CALD1: variants seen among roughly 807,000 people sequenced by gnomAD.
CALD1 encodes the protein caldesmon 1, also known as caldesmon.
CALD1 carries 33 observed loss-of-function variants against 99.9 expected under a neutral mutation model. That is an observed-to-expected ratio of 0.33 (90% CI 0.25 to 0.44). The LOEUF is 0.44. CALD1 is among the 20% of genes least tolerant of loss of function. CALD1 has a pLI of 1.00. For synonymous variants in CALD1, 310 were observed against 325.0 expected (o/e 0.95, Z 0.50); for missense variants, 861 against 962.1 (o/e 0.89, Z 1.39).
At chr7:134,964,732 T>C (rs1808542383) in intron 13 of CALD1, among the ~76,000 whole-genome samples, 1 of 152,160 alleles carries the variant, frequency 6.6e-6, no homozygotes. Flanking sequence ...AAATTAATCA[T>C]TTTTAAATAA....
chr7:134,879,955 C>T (rs1394399301), intron 3 of CALD1, among the ~76,000 whole-genome samples: 3 of 152,152 alleles, frequency 2.0e-5, no homozygotes, highest in Non-Finnish European at 4.4e-5. Flanking sequence ...CAGCTACAAG[C>T]CTGTACATTC....
chr7:134,816,021 C>A (rs1188218315), intron 1 of CALD1, among the ~76,000 whole-genome samples: 1 of 152,138 alleles, frequency 6.6e-6, no homozygotes, highest in African/African-American at 2.4e-5. Context: ...TAACTAGATC[C>A]AGAACATTTG....
At chr7:134,747,506 C>G (rs1012190084) in intron 1 of CALD1, among the ~76,000 whole-genome samples, 1 of 152,198 alleles carries the variant, frequency 6.6e-6, no homozygotes, top group African/African-American at 2.4e-5. Flanking sequence ...ACCTATTGTT[C>G]GAGACAATGG....
At chr7:134,728,436 A>G in the CALD1 span, among the ~76,000 whole-genome samples, 1 of 152,202 alleles carries the variant, frequency 6.6e-6, no homozygotes, top group East Asian at 1.9e-4. Flanking sequence ...ATCTGAACAT[A>G]GTTTGGACAG....
At chr7:134,966,407 T>A (rs1170816022) in intron 14 of CALD1, among the ~76,000 whole-genome samples, 2 of 152,216 alleles carry the variant, frequency 1.3e-5, no homozygotes, top group Non-Finnish European at 2.9e-5. Context: ...ATATGAAAAG[T>A]ACCTGCTGGT....
intron 1 of CALD1, among the ~76,000 whole-genome samples, chr7:134,842,441 T>C (rs1255908398): frequency 2.0e-5 from 3 of 152,278 alleles, no homozygotes; most frequent in Non-Finnish European, 4.4e-5. Context: ...ATTTCCATAA[T>C]GAAAGCAAAT....
At chr7:134,905,621 C>A (rs1401634700) in intron 3 of CALD1, among the ~76,000 whole-genome samples, 4 of 152,086 alleles carry the variant, frequency 2.6e-5, no homozygotes, top group Non-Finnish European at 4.4e-5. Context: ...GTTATTACAT[C>A]AGATCCTGCT....
At chr7:134,845,186 C>T (rs780411506) in intron 2 of CALD1, among the ~76,000 whole-genome samples, 9 of 152,120 alleles carry the variant, frequency 5.9e-5, no homozygotes, top group Non-Finnish European at 1.3e-4. Flanking sequence ...TTCCCTATGA[C>T]ATTCTATAAA....
chr7:134,858,606 T>G (rs10282371), intron 2 of CALD1, among the ~76,000 whole-genome samples: 26,192 of 151,678 alleles, frequency 0.17, 3,278 homozygotes, highest in African/African-American at 0.35. Context: ...AGTCTTGTTA[T>G]GTCACCAGGC....
intron 1 of CALD1, among the ~76,000 whole-genome samples, chr7:134,798,077 T>C (rs1797814327): frequency 6.6e-6 from 1 of 152,208 alleles, no homozygotes; most frequent in Admixed American, 6.5e-5. Flanking sequence ...TTAATGAAAG[T>C]CCAACCTTTA....
At chr7:134,733,673 G>A in the CALD1 span, among the ~76,000 whole-genome samples, 1 of 151,940 alleles carries the variant, frequency 6.6e-6, no homozygotes, top group Non-Finnish European at 1.5e-5. Context: ...GCCGGGCGTG[G>A]TGGTGGGCAC....
At chr7:134,898,029 A>G (rs1802709826) in intron 3 of CALD1, among the ~76,000 whole-genome samples, 1 of 152,036 alleles carries the variant, frequency 6.6e-6, no homozygotes, top group Non-Finnish European at 1.5e-5. Context: ...GGTTCAAGCA[A>G]TTATTCTGCC....
chr7:134,932,276 G>T (rs1015217501), intron 4 of CALD1, among the ~76,000 whole-genome samples: 2 of 152,136 alleles, frequency 1.3e-5, no homozygotes, highest in African/African-American at 4.8e-5. Flanking sequence ...CTTCCATTGG[G>T]GTCACTGGCG....
At chr7:134,762,683 G>C (rs1395246923) in intron 1 of CALD1, among the ~76,000 whole-genome samples, 1 of 152,040 alleles carries the variant, frequency 6.6e-6, no homozygotes, top group Non-Finnish European at 1.5e-5. Context: ...AGACAGCAGG[G>C]AGATGCCACA....
the CALD1 span, among the ~76,000 whole-genome samples, chr7:134,715,967 T>TATG: frequency 6.6e-6 from 1 of 152,196 alleles, no homozygotes; most frequent in Non-Finnish European, 1.5e-5. Context: ...TTATTATTAT[T>TATG]ATTATTATAC....
intron 1 of CALD1, among the ~76,000 whole-genome samples, chr7:134,760,197 T>C (rs1465509333): frequency 1.3e-5 from 2 of 152,154 alleles, no homozygotes; most frequent in Non-Finnish European, 2.9e-5. Flanking sequence ...CAGAGGGACT[T>C]ATAGGATTGT....
intron 5 of CALD1, among the ~76,000 whole-genome samples, chr7:134,935,001 T>C (rs1422614285): frequency 3.3e-5 from 5 of 152,200 alleles, no homozygotes; most frequent in Admixed American, 3.3e-4. Context: ...AAAACCCTGA[T>C]TTGCCAACAT....
At chr7:134,754,877 T>C (rs1796714496) in intron 1 of CALD1, among the ~76,000 whole-genome samples, 1 of 152,230 alleles carries the variant, frequency 6.6e-6, no homozygotes, top group African/African-American at 2.4e-5. Context: ...GTAAAATTGT[T>C]AGACAATAGG....
At chr7:134,799,502 A>C (rs1419010330) in intron 1 of CALD1, among the ~76,000 whole-genome samples, 1 of 152,242 alleles carries the variant, frequency 6.6e-6, no homozygotes, top group Non-Finnish European at 1.5e-5. Context: ...TATAGTTTAC[A>C]TAAAAGTATC....
Sources: allele counts gnomAD v4.1 joint callset (sites outside exome capture counted in the v4.1 genomes callset), GRCh38; gene constraint gnomAD v4.1.1; transcripts MANE v1.5; gene names NCBI Gene and HGNC (gene_info 2026-07-23, HGNC 2026-07-21).